The following MSL2 variants were observed in gnomAD, a reference collection of about 807,000 sequenced individuals.
MSL2 encodes the protein E3 ubiquitin-protein ligase MSL2.
MSL2 carries 2 observed loss-of-function variants against 35.8 expected under a neutral mutation model. That is an observed-to-expected ratio of 0.06 (90% CI 0.02 to 0.18). The LOEUF is 0.18. MSL2 is among the 10% of genes least tolerant of loss of function. MSL2 has a pLI of 1.00. For synonymous variants in MSL2, 296 were observed against 255.7 expected, an observed-to-expected ratio of 1.16 and a Z score of -1.50; for missense variants, 523 against 706.7, an observed-to-expected ratio of 0.74 and a Z score of 2.95.
intron 1 of MSL2, among the ~76,000 whole-genome samples, chr3:136,171,844 G>T (rs1184878156): frequency 1.3e-5 from 2 of 152,140 alleles, no homozygotes; most frequent in African/African-American, 4.8e-5. Flanking sequence ...TCATGTTGAG[G>T]TAACAGGTAT....
At chr3:136,165,705 GTTCT>G (rs1480130523) in intron 1 of MSL2, among the ~76,000 whole-genome samples, 2 of 152,080 alleles carry the variant, frequency 1.3e-5, no homozygotes, top group Non-Finnish European at 2.9e-5. Flanking sequence ...CTCATCTTCT[GTTCT>G]TTATTTCAAA....
chr3:136,168,229 A>C (rs1281189798), intron 1 of MSL2, among the ~76,000 whole-genome samples: 2 of 152,200 alleles, frequency 1.3e-5, no homozygotes, highest in Non-Finnish European at 2.9e-5. Flanking sequence ...AAAAAAAGCA[A>C]ACAAGCTCTT....
intron 1 of MSL2, among the ~76,000 whole-genome samples, chr3:136,169,973 C>T (rs1258936775): frequency 6.6e-6 from 1 of 151,514 alleles, no homozygotes; most frequent in Non-Finnish European, 1.5e-5. Flanking sequence ...ATCATTTGAG[C>T]CCAGGAGGTG....
intron 1 of MSL2, among the ~76,000 whole-genome samples, chr3:136,159,949 C>T (rs138502691): frequency 1.3e-5 from 2 of 152,048 alleles, no homozygotes; most frequent in East Asian, 3.9e-4. Flanking sequence ...TAAAAACTTA[C>T]TGTGCTTCAA....
At position 136,169,106 on chromosome 3, in the gene MSL2, C is replaced by T. The variant is rs974502190; in HGVS notation, c.143-16368G>A. 4.6e-5 allele frequency among the ~76,000 whole-genome samples: 7 copies of T among 151,796 alleles called. 1 individual carries two copies. The South Asian group carries it at 8.3e-4, about 18-fold the overall frequency. ...AGAGGCGCACTTTATCTTGGAAAGG[C>T]ACTCTGAAACGCTGCAAACAGAAAA... is the stretch of plus-strand genomic sequence containing the variant. On this transcript the variant is annotated intron_variant, in intron 1 of 1. Transcript: ENST00000309993.
At chr3:136,177,571 C>G (rs1176745602) in intron 1 of MSL2, among the ~76,000 whole-genome samples, 1 of 150,012 alleles carries the variant, frequency 6.7e-6, no homozygotes, top group Non-Finnish European at 1.5e-5. Flanking sequence ...CCCAGCTACT[C>G]GGGAGGCTGA....
At position 136,149,934 on chromosome 3, in the gene MSL2, GT is replaced by G. The variant is rs1288506726; in HGVS notation, c.*1212del. ...ATTTCATTACACCTAGTCAGTCCTT[GT>G]TTTATTTGGGCTGTGCTCTTTCAAG... On this transcript the variant is annotated 3_prime_UTR_variant, in exon 2 of 2. Coordinates refer to ENST00000309993, the MANE Select transcript of MSL2 (RefSeq NM_018133.4). The G allele has an allele frequency of 5.2e-5, 8 of 152,572 alleles. No individual in the cohort carries two copies. Among genetic ancestry groups the G allele is most frequent in the Admixed American group, 4.6e-4 (7 of 15,272 alleles). The allele number at this position is 152,572 out of a possible 1,614,324, so 9.5% of individuals were successfully genotyped here.
In MSL2 at chr3:136,162,425, T is replaced by TA. The variant is rs1338325910; in HGVS notation, c.143-9688dup. On this transcript the variant is annotated intron_variant, in intron 1 of 1. Coordinates refer to ENST00000309993, the MANE Select transcript of MSL2 (RefSeq NM_018133.4). ...GGCAAAACCCCATCTCTACAAAAAA[T>TA]AAAAAAAATTAGCCATGGACGCTGG... Among the ~76,000 whole-genome samples the TA allele has an allele frequency of 4.0e-5, 6 of 151,068 alleles. No individual in the cohort carries two copies. In the East Asian group the frequency reaches 9.8e-4, roughly 25 times the overall value.
chr3:136,152,499 C>G lies in MSL2; in HGVS notation c.382G>C (p.Asp128His). Residue 128 changes from aspartate (D) to histidine (H), a missense_variant, in exon 2 of 2, where the codon GAT becomes CAT. Asp to His is a moderately conservative substitution (Grantham distance 81). Coordinates refer to ENST00000309993, the MANE Select transcript of MSL2 (RefSeq NM_018133.4). Reference protein sequence around the residue: ...DIIEAVDCSSDILALLNDGSL... With the variant: ...DIIEAVDCSSHILALLNDGSL... ...CCATCATTAAGCAAAGCCAAAATATCAGAAGAACAGTCAACTGCTTCTATT... is the reference window on the plus strand; with the variant it reads ...CCATCATTAAGCAAAGCCAAAATATGAGAAGAACAGTCAACTGCTTCTATT... 2 of 1,614,168 alleles carry G rather than the reference C, an allele frequency of 1.2e-6. No homozygotes were observed. Among genetic ancestry groups the G allele is most frequent in the South Asian group, 1.1e-5 (1 of 91,076 alleles).
chr3:136,184,713 T>A (rs1940463746), intron 1 of MSL2, among the ~76,000 whole-genome samples: 1 of 120,990 alleles, frequency 8.3e-6, no homozygotes, highest in African/African-American at 3.2e-5. Context: ...CCCGAATTCT[T>A]ACAGGAGCAA....
At position 136,151,339 on chromosome 3, in the gene MSL2, G is replaced by A. The variant is rs751323818; in HGVS notation, c.1542C>T (p.Ala514=). 3.3e-5 allele frequency: 54 copies of A among 1,614,068 alleles called. No homozygotes were observed. The highest frequency in any genetic ancestry group is 1.8e-4 in the East Asian group (8 of 44,892). Residue 514 remains alanine, a synonymous_variant, in exon 2 of 2, where the codon GCC becomes GCT. Coordinates refer to ENST00000309993, the MANE Select transcript of MSL2 (RefSeq NM_018133.4). The surrounding 1 kb of genome is among the most constrained non-coding windows in gnomAD (Gnocchi z 5.2). ...TCTGCTCCAAGGCCTTTTCTGGCAC[G>A]GCAAATGCCTCCAGCTTCTTCTCCC... ...ANGEKKLEAF[A]VPEKALEQTR...
At chr3:136,170,586 C>A (rs1408298801) in intron 1 of MSL2, among the ~76,000 whole-genome samples, 1 of 136,718 alleles carries the variant, frequency 7.3e-6, no homozygotes, top group Non-Finnish European at 1.5e-5. Flanking sequence ...GTGATCTCGG[C>A]TCACTGCTGC....
intron 1 of MSL2, among the ~76,000 whole-genome samples, chr3:136,181,640 C>T (rs905564555): frequency 6.6e-6 from 1 of 152,040 alleles, no homozygotes; most frequent in Non-Finnish European, 1.5e-5. Context: ...AAAACTTGGC[C>T]GGGCGCGGTG....
chr3:136,172,879 C>T (rs527497503), intron 1 of MSL2, among the ~76,000 whole-genome samples: 10 of 152,182 alleles, frequency 6.6e-5, no homozygotes, highest in South Asian at 2.1e-4. Context: ...AACTGACCTA[C>T]GGGGCCGGGC....
intron 1 of MSL2, among the ~76,000 whole-genome samples, chr3:136,160,237 A>G (rs1199928687): frequency 5.6e-5 from 8 of 143,880 alleles, no homozygotes; most frequent in Non-Finnish European, 1.2e-4. Context: ...GATGGTGCCA[A>G]TGCACTCCAG....
chr3:136,184,152 G>A (rs547122855), intron 1 of MSL2, among the ~76,000 whole-genome samples: 103 of 152,018 alleles, frequency 6.8e-4, no homozygotes, highest in African/African-American at 2.3e-3. Context: ...AAAATTAGCC[G>A]GGCGTTGACG....
Position 136,152,455 on chromosome 3 carries a change from C to T in MSL2, c.426G>A (p.Glu142=). 6.2e-7 allele frequency: 1 copy of T among 1,614,180 alleles called. No individual in the cohort carries two copies. The highest frequency in any genetic ancestry group is 8.5e-7 in the Non-Finnish European group (1 of 1,180,026). The change falls in exon 2 of 2, where the codon GAG becomes GAA. Residue 142 remains glutamate (E), a synonymous_variant. Transcript: ENST00000309993. ...AGGATGAATCTGAGGGTTTTTCTGT[C>T]TCCTCACAAAACAATGATCCATCAT... ...LLNDGSLFCE[E]TEKPSDSSFT... is the part of the protein sequence containing the mutation.
At chr3:136,181,295 T>C (rs189320946) in intron 1 of MSL2, among the ~76,000 whole-genome samples, 90 of 152,222 alleles carry the variant, frequency 5.9e-4, no homozygotes, top group African/African-American at 1.8e-3. Context: ...GAATGAAGTA[T>C]TGAAACAATG....
chr3:136,160,150 C>G (rs1236931267), intron 1 of MSL2, among the ~76,000 whole-genome samples: 1 of 151,360 alleles, frequency 6.6e-6, no homozygotes, highest in Non-Finnish European at 1.5e-5. Context: ...ATGGCACACG[C>G]CTGTAGTCCC....
Sources: gnomAD v4.1 joint callset for allele counts (sites outside exome capture counted in the v4.1 genomes callset) on GRCh38, gnomAD v4.1.1 for gene constraint, Gnocchi (gnomAD v3.1) non-coding constraint, MANE v1.5 for transcripts, NCBI Gene and HGNC (gene_info 2026-07-23, HGNC 2026-07-21) for gene names.